The following SYT16 variants were observed in gnomAD, a reference collection of about 807,000 sequenced individuals.
SYT16 encodes synaptotagmin 16, also known as synaptotagmin-16.
SYT16 carries 42 observed loss-of-function variants against 61.4 expected under a neutral mutation model. The observed-to-expected ratio is 0.68, with a 90% confidence interval of 0.53 to 0.89. The LOEUF is 0.89. SYT16 is among the 40% of genes least tolerant of loss of function. The pLI is 0.00. For missense variants in SYT16, 804 were observed against 807.3 expected (o/e 1.00, Z 0.05); for synonymous variants, 314 against 302.3 (o/e 1.04, Z -0.40).
chr14:61,817,028 CA>C (rs1370646900), intron 1 of SYT16, among the ~76,000 whole-genome samples: 3 of 71,578 alleles, frequency 4.2e-5, no homozygotes, highest in South Asian at 6.2e-4. Flanking sequence ...CACACACACA[CA>C]AAAAAAGCAT....
intron 1 of SYT16, among the ~76,000 whole-genome samples, chr14:61,842,609 G>C (rs1236449384): frequency 6.6e-6 from 1 of 152,148 alleles, no homozygotes; most frequent in African/African-American, 2.4e-5. Context: ...AAAATGATGA[G>C]TTCATGTCCT....
At chr14:61,983,656 G>T (rs2052180836) in intron 2 of SYT16, among the ~76,000 whole-genome samples, 1 of 151,998 alleles carries the variant, frequency 6.6e-6, no homozygotes, top group Non-Finnish European at 1.5e-5. Context: ...TTCCTAAGTA[G>T]CTTGGACTTC....
At chr14:61,985,039 A>G (rs1233195446) in intron 2 of SYT16, among the ~76,000 whole-genome samples, 3 of 152,134 alleles carry the variant, frequency 2.0e-5, no homozygotes, top group Non-Finnish European at 4.4e-5. Flanking sequence ...GCTGTTTTTG[A>G]TGGGATCCCA....
chr14:61,944,439 A>G (rs2050336973), intron 1 of SYT16, among the ~76,000 whole-genome samples: 1 of 152,224 alleles, frequency 6.6e-6, no homozygotes, highest in South Asian at 2.1e-4. Flanking sequence ...AATCCTGAGC[A>G]AAAAGAACAA....
chr14:62,011,942 T>TATATATA (rs1555370094), intron 3 of SYT16, among the ~76,000 whole-genome samples: 1 of 144,708 alleles, frequency 6.9e-6, no homozygotes, highest in African/African-American at 2.8e-5. Context: ...TATATATATA[T>TATATATA]TTGATGCTGT....
At chr14:61,837,390 A>T (rs1285247453) in intron 1 of SYT16, among the ~76,000 whole-genome samples, 1 of 150,924 alleles carries the variant, frequency 6.6e-6, no homozygotes, top group Non-Finnish European at 1.5e-5. Context: ...GGTGTGGGCC[A>T]CCTTGCCCAG....
chr14:61,930,810 G>C (rs914554808), intron 1 of SYT16, among the ~76,000 whole-genome samples: 2 of 152,070 alleles, frequency 1.3e-5, no homozygotes, highest in Non-Finnish European at 2.9e-5. Flanking sequence ...TCCACTAGCT[G>C]TTGCTGCTGG....
intron 3 of SYT16, among the ~76,000 whole-genome samples, chr14:62,061,272 A>T (rs942657668): frequency 2.0e-5 from 3 of 152,160 alleles, no homozygotes; most frequent in African/African-American, 7.2e-5. Flanking sequence ...CTTAATAGAC[A>T]AATTAAAATT....
intron 3 of SYT16, among the ~76,000 whole-genome samples, chr14:62,050,020 C>G (rs1006890991): frequency 6.6e-6 from 1 of 152,170 alleles, no homozygotes. Context: ...TGTTGGCCTG[C>G]CTTGCTAGAT....
At chr14:61,922,639 A>G (rs2140407819) in intron 1 of SYT16, among the ~76,000 whole-genome samples, 1 of 152,292 alleles carries the variant, frequency 6.6e-6, no homozygotes, top group Admixed American at 6.5e-5. Context: ...TGTGACTTGC[A>G]TTTACTTACC....
intron 3 of SYT16, among the ~76,000 whole-genome samples, chr14:62,029,427 A>C (rs761101406): frequency 6.6e-6 from 1 of 152,166 alleles, no homozygotes; most frequent in Non-Finnish European, 1.5e-5. Flanking sequence ...TTTCCACTGC[A>C]CCTGCTTGAG....
intron 3 of SYT16, among the ~76,000 whole-genome samples, chr14:62,026,291 G>T (rs1953547): frequency 0.42 from 63,228 of 152,038 alleles, 13,525 homozygotes; most frequent in East Asian, 0.67. Flanking sequence ...TGTTTATGTT[G>T]CTATAACTAA....
At chr14:61,982,026 A>G (rs945087100) in intron 2 of SYT16, among the ~76,000 whole-genome samples, 1 of 152,188 alleles carries the variant, frequency 6.6e-6, no homozygotes, top group African/African-American at 2.4e-5. Flanking sequence ...GATTTCCTTC[A>G]TGCTTTTTCA....
chr14:61,815,856 T>G (rs1372477806), intron 1 of SYT16, among the ~76,000 whole-genome samples: 1 of 152,256 alleles, frequency 6.6e-6, no homozygotes, highest in Non-Finnish European at 1.5e-5. Flanking sequence ...TTTTATTTTT[T>G]TATTCCATTT....
intron 1 of SYT16, among the ~76,000 whole-genome samples, chr14:61,943,762 C>T (rs1156498180): frequency 2.6e-5 from 4 of 152,048 alleles, no homozygotes; most frequent in Non-Finnish European, 5.9e-5. Context: ...TACGACAAGC[C>T]CACAGCCAAT....
intron 3 of SYT16, among the ~76,000 whole-genome samples, chr14:62,054,293 T>C (rs2055440257): frequency 6.6e-6 from 1 of 150,390 alleles, no homozygotes; most frequent in African/African-American, 2.5e-5. Flanking sequence ...AAATATCTGA[T>C]CTACAGATTG....
intron 7 of SYT16, among the ~76,000 whole-genome samples, chr14:62,095,674 G>GT (rs952619695): frequency 5.3e-5 from 8 of 151,540 alleles, no homozygotes; most frequent in Non-Finnish European, 1.0e-4. Flanking sequence ...AAAAACAACA[G>GT]TTTTTTTTCC....
At chr14:62,072,332 A>C (rs1188082888) in intron 4 of SYT16, among the ~76,000 whole-genome samples, 1 of 152,222 alleles carries the variant, frequency 6.6e-6, no homozygotes, top group African/African-American at 2.4e-5. Context: ...GATTACATGC[A>C]TATATGTACA....
chr14:61,833,990 TA>T (rs397969990), intron 1 of SYT16, among the ~76,000 whole-genome samples: 96 of 148,592 alleles, frequency 6.5e-4, no homozygotes, highest in African/African-American at 2.2e-3. Flanking sequence ...TTTTTTTTTT[TA>T]AATTTTGGAA....
Sources: gnomAD v4.1 joint callset for allele counts (sites outside exome capture counted in the v4.1 genomes callset) on GRCh38, gnomAD v4.1.1 for gene constraint, MANE v1.5 for transcripts, NCBI Gene and HGNC (gene_info 2026-07-23, HGNC 2026-07-21) for gene names.